FAM3D: variants seen among roughly 807,000 people sequenced by gnomAD.
The protein encoded by FAM3D is FAM3 metabolism regulating signaling molecule D.
FAM3D carries 26 observed loss-of-function variants against 29.8 expected under a neutral mutation model. The ratio of observed to expected loss-of-function variants is 0.87; its 90% CI spans 0.64 to 1.21. FAM3D has a LOEUF of 1.21. Ranked by LOEUF, FAM3D falls within the 50% of genes most tolerant of loss-of-function variation. The pLI is 0.00. For synonymous variants in FAM3D, 115 were observed against 102.3 expected (o/e 1.12, Z -0.75); for missense variants, 253 against 290.9 (o/e 0.87, Z 0.95).
rs557953388 is a variant in FAM3D, at chr3:58,634,964, C to T, written c.586-596G>A. ...GGTAAGGAAGGAGGGTCACTTGAGGCCAGGAGTTCAAGACCAGCCTGGGCA... is the reference window on the plus strand; with the variant it reads ...GGTAAGGAAGGAGGGTCACTTGAGGTCAGGAGTTCAAGACCAGCCTGGGCA... On this transcript the variant is annotated intron_variant, in intron 9 of 9. Transcript: ENST00000358781. This position sits in a 1 kb window ranked among gnomAD's most constrained non-coding sequence, Gnocchi z 4.6. 4.0e-4 allele frequency among the ~76,000 whole-genome samples: 61 copies of T among 152,154 alleles called. No individual in the cohort carries two copies. Among genetic ancestry groups the T allele is most frequent in the Non-Finnish European group, 7.2e-4 (49 of 67,978 alleles).
chr3:58,645,239 T>G (rs1393491595), intron 5 of FAM3D, among the ~76,000 whole-genome samples: 2 of 152,168 alleles, frequency 1.3e-5, no homozygotes, highest in Non-Finnish European at 2.9e-5. Context: ...CACCCCACTA[T>G]CCTCATCTTT....
At chr3:58,641,369 CTTT>C (rs879476790) in intron 6 of FAM3D, among the ~76,000 whole-genome samples, 1 of 144,838 alleles carries the variant, frequency 6.9e-6, no homozygotes, top group Non-Finnish European at 1.5e-5. Flanking sequence ...TGCTTAACCT[CTTT>C]TTTTTTTTTG....
chr3:58,656,182 C>T (rs948329123), intron 1 of FAM3D, among the ~76,000 whole-genome samples: 2 of 152,182 alleles, frequency 1.3e-5, no homozygotes, highest in African/African-American at 4.8e-5. Flanking sequence ...GTTTATTGTA[C>T]CAAGATAAAG....
chr3:58,646,938 G>A (rs1205216559), intron 4 of FAM3D, among the ~76,000 whole-genome samples: 1 of 152,302 alleles, frequency 6.6e-6, no homozygotes, highest in East Asian at 1.9e-4. Context: ...GCCCTCCCTG[G>A]TCTATAGGGA....
intron 3 of FAM3D, among the ~76,000 whole-genome samples, chr3:58,651,875 T>G (rs1006110775): frequency 6.6e-6 from 1 of 152,134 alleles, no homozygotes; most frequent in Non-Finnish European, 1.5e-5. Flanking sequence ...TAAGCATCTA[T>G]ATAAACTTCT....
At position 58,653,657 on chromosome 3, in the gene FAM3D, C is replaced by T. The variant is rs1192105503; in HGVS notation, c.121+17G>A. 1.9e-6 allele frequency: 3 copies of T among 1,609,984 alleles called. No individual in the cohort carries two copies. Among genetic ancestry groups the T allele is most frequent in the Non-Finnish European group, 2.5e-6 (3 of 1,177,404 alleles). ...CCTGGTCTGCAGTTCCTGCCCCCAG[C>T]AGTGAGCCCCACTCACCCAGCCAGC... On this transcript the variant is annotated intron_variant, in intron 3 of 9. Coordinates refer to ENST00000358781, the MANE Select transcript of FAM3D (RefSeq NM_138805.3).
chr3:58,656,320 A>G (rs1441718220), intron 1 of FAM3D, among the ~76,000 whole-genome samples: 1 of 152,244 alleles, frequency 6.6e-6, no homozygotes, highest in Non-Finnish European at 1.5e-5. Context: ...GTTCAGGGTT[A>G]TTCAGCTTGC....
intron 5 of FAM3D, 42 bp from the exon 6 acceptor site, chr3:58,643,762 G>A (rs763984076): frequency 1.3e-6 from 2 of 1,592,014 alleles, no homozygotes; most frequent in South Asian, 1.1e-5. Context: ...GGTCCCGAGT[G>A]TGGAATGAAC....
chr3:58,636,315 C>A lies in FAM3D; in HGVS notation c.564G>T (p.Arg188Ser). 1 of 1,614,120 alleles carries A rather than the reference C, an allele frequency of 6.2e-7. No homozygotes were observed. The highest frequency in any genetic ancestry group is 8.5e-7 in the Non-Finnish European group (1 of 1,180,018). ...CCACCTGCTCAAAGGGGCTTTTACC[C>A]CTGAGGTCTTTGGCTCCTATGAAGA... is the stretch of plus-strand genomic sequence containing the variant. ...SWVFIGAKDL[R>S]GKSPFEQFLK... Residue 188 changes from arginine to serine, a missense_variant, in exon 9 of 10, where the codon AGG (arginine) becomes AGT (serine). Arg to Ser is a moderately radical substitution (Grantham distance 110, BLOSUM62 -1). Coordinates refer to ENST00000358781, the MANE Select transcript of FAM3D (RefSeq NM_138805.3).
chr3:58,650,144 C>T (rs1407978707), intron 3 of FAM3D, among the ~76,000 whole-genome samples: 5 of 152,186 alleles, frequency 3.3e-5, no homozygotes, highest in Non-Finnish European at 5.9e-5. Context: ...CCAGCAGTGA[C>T]GCCTGGAGGA....
intron 7 of FAM3D, among the ~76,000 whole-genome samples, chr3:58,638,069 A>T (rs2106720434): frequency 6.6e-6 from 1 of 152,190 alleles, no homozygotes; most frequent in Middle Eastern, 3.4e-3. Context: ...TTTTTAGTAG[A>T]ATTGGAGTTT....
At chr3:58,637,103 A>G in intron 8 of FAM3D, 38 bp downstream of exon 8, 1 of 1,576,070 alleles carries the variant, frequency 6.3e-7, no homozygotes, top group East Asian at 2.2e-5. Context: ...TTCAGTTTGC[A>G]TCACTGTGTG....
At chr3:58,651,236 C>T (rs1434150694) in intron 3 of FAM3D, among the ~76,000 whole-genome samples, 4 of 152,072 alleles carry the variant, frequency 2.6e-5, no homozygotes, top group African/African-American at 9.7e-5. Context: ...AATTATATAT[C>T]AATATAATAG....
intron 7 of FAM3D, among the ~76,000 whole-genome samples, chr3:58,637,920 C>T (rs939812449): frequency 2.2e-4 from 13 of 59,402 alleles, no homozygotes; most frequent in Non-Finnish European, 3.5e-4. Flanking sequence ...GTTTCTCTCT[C>T]GTTGCCCAGG....
chr3:58,658,765 T>A (rs1276607484), intron 1 of FAM3D, among the ~76,000 whole-genome samples: 1 of 152,188 alleles, frequency 6.6e-6, no homozygotes, highest in Non-Finnish European at 1.5e-5. Context: ...GACTTTTCCC[T>A]GCAATTGATG....
intron 2 of FAM3D, among the ~76,000 whole-genome samples, chr3:58,654,220 G>A (rs563135304): frequency 2.6e-5 from 4 of 152,360 alleles, no homozygotes; most frequent in African/African-American, 9.6e-5. Flanking sequence ...AGCCAGCAGT[G>A]CTGTGTGACT....
At chr3:58,649,508 A>T in intron 3 of FAM3D, 170 bp from the exon 4 acceptor site, 1 of 688,232 alleles carries the variant, frequency 1.5e-6, no homozygotes, top group Non-Finnish European at 2.6e-6. Flanking sequence ...ATACATACAC[A>T]CACAGCACAC....
chr3:58,655,822 T>C (rs1474114563), intron 1 of FAM3D, among the ~76,000 whole-genome samples: 1 of 152,166 alleles, frequency 6.6e-6, no homozygotes, highest in African/African-American at 2.4e-5. Context: ...ATTCTCCATG[T>C]TTTTTTGAAG....
chr3:58,645,380 A>T lies in FAM3D; in HGVS notation c.263+129T>A, dbSNP rs1191195901. 6 of 607,194 alleles carry T rather than the reference A, an allele frequency of 9.9e-6. No homozygotes were observed. In the East Asian group the frequency reaches 1.7e-4, roughly 17 times the overall value. 37.6% of individuals were successfully genotyped at this position (607,194 alleles called of 1,614,324 possible). A position where few individuals can be genotyped will look rare whatever the true frequency, so the allele number is the denominator to read the frequency against. On this transcript the variant is annotated intron_variant, in intron 5 of 9. Coordinates refer to ENST00000358781, the MANE Select transcript of FAM3D (RefSeq NM_138805.3). The stretch of plus-strand genomic sequence containing the variant: ...AATTATTGTTATTTGTGCCTCACAC[A>T]CCCAGAGTGAAAGGGAAGCTGTGGG...
Sources: gnomAD v4.1 joint callset for allele counts (sites outside exome capture counted in the v4.1 genomes callset) on GRCh38, gnomAD v4.1.1 for gene constraint, Gnocchi (gnomAD v3.1) non-coding constraint, MANE v1.5 for transcripts, NCBI Gene and HGNC (gene_info 2026-07-23, HGNC 2026-07-21) for gene names.